Variants in ATP8A2 observed in about 807,000 individuals in gnomAD.
The protein encoded by ATP8A2 is ATPase phospholipid transporting 8A2, also known as phospholipid-transporting ATPase IB.
A neutral mutation model predicts 165.6 loss-of-function variants in ATP8A2; 100 were observed. The ratio of observed to expected loss-of-function variants is 0.60; its 90% CI spans 0.51 to 0.71. The LOEUF is 0.71. ATP8A2 is among the 30% of genes least tolerant of loss of function. ATP8A2 has a pLI of 0.00. For missense variants in ATP8A2, 1,227 were observed against 1,479.5 expected, an observed-to-expected ratio of 0.83 and a Z score of 2.80; for synonymous variants, 543 against 548.8, an observed-to-expected ratio of 0.99 and a Z score of 0.15.
intron 24 of ATP8A2, among the ~76,000 whole-genome samples, chr13:25,590,787 T>C (rs2040051342): frequency 6.6e-6 from 1 of 152,084 alleles, no homozygotes; most frequent in Non-Finnish European, 1.5e-5. Context: ...TACTTGCAAA[T>C]TGAGAGGGCC....
intron 33 of ATP8A2, among the ~76,000 whole-genome samples, chr13:25,876,610 T>A (rs1404420182): frequency 1.3e-5 from 2 of 152,188 alleles, no homozygotes; most frequent in Non-Finnish European, 2.9e-5. Context: ...TGAAAAAAGA[T>A]CCTTTAACAT....
At chr13:25,566,324 A>G (rs1439190642) in intron 16 of ATP8A2, among the ~76,000 whole-genome samples, 1 of 152,118 alleles carries the variant, frequency 6.6e-6, no homozygotes, top group Non-Finnish European at 1.5e-5. Context: ...TCCAGCTACT[A>G]GGCTGAAGAT....
chr13:25,512,867 G>T, intron 2 of ATP8A2, among the ~76,000 whole-genome samples: 1 of 141,562 alleles, frequency 7.1e-6, no homozygotes, highest in Non-Finnish European at 1.6e-5. Context: ...GCCAGGCAGA[G>T]GCGCCCCTCA....
chr13:25,999,406 C>T (rs895341531), intron 35 of ATP8A2, among the ~76,000 whole-genome samples: 1 of 152,094 alleles, frequency 6.6e-6, no homozygotes, highest in African/African-American at 2.4e-5. Flanking sequence ...GCTCACAGGC[C>T]CCACATCTGA....
chr13:25,993,078 C>T (rs532158410), intron 35 of ATP8A2, among the ~76,000 whole-genome samples: 5 of 151,738 alleles, frequency 3.3e-5, no homozygotes, highest in Admixed American at 6.6e-5. Flanking sequence ...TTTCTTAATC[C>T]AGTCTATCAT....
chr13:25,412,631 G>A (rs1014605813), intron 1 of ATP8A2, among the ~76,000 whole-genome samples: 5 of 152,202 alleles, frequency 3.3e-5, no homozygotes. Context: ...AAAAGGTGGA[G>A]AACATCTCCC....
intron 2 of ATP8A2, among the ~76,000 whole-genome samples, chr13:25,516,382 T>C (rs1328114698): frequency 6.6e-6 from 1 of 152,196 alleles, no homozygotes; most frequent in Non-Finnish European, 1.5e-5. Context: ...CCTTACTTGG[T>C]TTGTAGCATG....
intron 2 of ATP8A2, among the ~76,000 whole-genome samples, chr13:25,506,959 A>ATATATATC (rs965878307): frequency 2.1e-5 from 3 of 145,946 alleles, no homozygotes; most frequent in African/African-American, 5.0e-5. Flanking sequence ...ATATATATAT[A>ATATATATC]TATCTTATTT....
chr13:25,550,873 G>A (rs2038799035), intron 10 of ATP8A2, among the ~76,000 whole-genome samples: 1 of 152,118 alleles, frequency 6.6e-6, no homozygotes, highest in African/African-American at 2.4e-5. Context: ...CTGAGCTCCG[G>A]GAGGAAAAAT....
chr13:25,795,501 A>G (rs1566146374), intron 27 of ATP8A2, among the ~76,000 whole-genome samples: 1 of 152,226 alleles, frequency 6.6e-6, no homozygotes, highest in Non-Finnish European at 1.5e-5. Context: ...TTTTAGATGT[A>G]TATTTTTAGT....
rs376757445 is a variant in ATP8A2 at position 25,468,815 on chromosome 13, C to T, written c.77-162C>T. 15 of 982,394 alleles carry T rather than the reference C, an allele frequency of 1.5e-5. No homozygotes were observed. The East Asian group carries it at 6.8e-4, about 45-fold the overall frequency. 60.9% of individuals were successfully genotyped at this position (982,394 alleles called of 1,614,324 possible). A position where few individuals can be genotyped will look rare whatever the true frequency, so the allele number is the denominator to read the frequency against. On this transcript the variant is annotated intron_variant, in intron 1 of 36. Coordinates refer to ENST00000381655, the MANE Select transcript of ATP8A2 (RefSeq NM_016529.6). ...CCGGCCTTGGCTGCCGCGGCACAGG[C>T]GGCGGCGTCTCCAGGGGGAGCCAAG...
intron 30 of ATP8A2, among the ~76,000 whole-genome samples, chr13:25,852,179 T>A (rs1952024208): frequency 6.6e-6 from 1 of 152,206 alleles, no homozygotes; most frequent in African/African-American, 2.4e-5. Context: ...GAGGCAGTGG[T>A]TCTCAACCAG....
intron 1 of ATP8A2, among the ~76,000 whole-genome samples, chr13:25,413,343 A>G (rs944477660): frequency 1.6e-5 from 2 of 123,504 alleles, no homozygotes; most frequent in Admixed American, 1.1e-4. Context: ...GTGCATTGGC[A>G]TGGTCTTGAC....
chr13:25,519,573 T>A (rs538493696), intron 2 of ATP8A2, among the ~76,000 whole-genome samples: 13 of 152,096 alleles, frequency 8.5e-5, no homozygotes, highest in Non-Finnish European at 1.9e-4. Context: ...TGTCACCCAG[T>A]TTCAGGAAAC....
chr13:25,785,423 A>C (rs2044999674), intron 27 of ATP8A2, among the ~76,000 whole-genome samples: 1 of 152,114 alleles, frequency 6.6e-6, no homozygotes, highest in African/African-American at 2.4e-5. Context: ...TTTCTACCTT[A>C]ATAGAACTTC....
chr13:25,840,960 A>G (rs1305723540), intron 30 of ATP8A2, among the ~76,000 whole-genome samples: 1 of 152,222 alleles, frequency 6.6e-6, no homozygotes, highest in Non-Finnish European at 1.5e-5. Context: ...CTTCTTATCT[A>G]GACATCCTAC....
chr13:25,548,607 C>A (rs1426955759), intron 10 of ATP8A2, among the ~76,000 whole-genome samples: 1 of 152,134 alleles, frequency 6.6e-6, no homozygotes, highest in Non-Finnish European at 1.5e-5. Context: ...GAGGCCAGAC[C>A]TGGATGTGTC....
At chr13:25,961,457 A>T in intron 33 of ATP8A2, 118 bp from the exon 34 acceptor site, 1 of 813,598 alleles carries the variant, frequency 1.2e-6, no homozygotes, top group Non-Finnish European at 2.0e-6. Flanking sequence ...GTTACCTCTC[A>T]TTGCATTTAG....
intron 1 of ATP8A2, among the ~76,000 whole-genome samples, chr13:25,392,282 G>A (rs1033979748): frequency 6.6e-6 from 1 of 152,202 alleles, no homozygotes; most frequent in South Asian, 2.1e-4. Context: ...GAGCCTTAAG[G>A]GAATGTGATT....
Sources: allele counts gnomAD v4.1 joint callset (sites outside exome capture counted in the v4.1 genomes callset), GRCh38; gene constraint gnomAD v4.1.1; transcripts MANE v1.5; gene names NCBI Gene and HGNC (gene_info 2026-07-23, HGNC 2026-07-21).